The following REDIC1 variants were observed in gnomAD, a reference collection of about 807,000 sequenced individuals.
The protein encoded by REDIC1 is regulator of DNA class I crossover intermediates 1.
At chr12:39,672,366 G>A in the REDIC1 span, among the ~76,000 whole-genome samples, 17 of 152,082 alleles carry the variant, frequency 1.1e-4, no homozygotes, top group Non-Finnish European at 1.3e-4. Context: ...CAGTGGGTGG[G>A]GAAAGCCTGT....
chr12:39,790,123 TG>T, the REDIC1 span, among the ~76,000 whole-genome samples: 45 of 30,540 alleles, frequency 1.5e-3, no homozygotes, highest in African/African-American at 3.0e-3. Context: ...CATTCTTTTG[TG>T]TTCTTTTTTT....
At chr12:39,749,166 C>A in the REDIC1 span, among the ~76,000 whole-genome samples, 4 of 152,000 alleles carry the variant, frequency 2.6e-5, no homozygotes, top group Non-Finnish European at 5.9e-5. Flanking sequence ...AATTGATAGA[C>A]CACTAGCAAG....
chr12:39,738,486 T>A, the REDIC1 span, among the ~76,000 whole-genome samples: 1 of 152,178 alleles, frequency 6.6e-6, no homozygotes, highest in Non-Finnish European at 1.5e-5. Flanking sequence ...CCTAAGTAAG[T>A]GGAGTATATT....
the REDIC1 span, chr12:39,871,930 C>G: frequency 6.2e-7 from 1 of 1,608,270 alleles, no homozygotes; most frequent in Non-Finnish European, 8.5e-7. Flanking sequence ...TCTTCAACAC[C>G]AGACATCTGC....
the REDIC1 span, among the ~76,000 whole-genome samples, chr12:39,714,158 C>T: frequency 0.036 from 334 of 9,292 alleles, 1 homozygote; most frequent in Non-Finnish European, 0.078. Flanking sequence ...TATATACATG[C>T]ATATATGCGT....
At chr12:39,691,975 G>T in the REDIC1 span, 1 of 1,292,062 alleles carries the variant, frequency 7.7e-7, no homozygotes, top group Non-Finnish European at 1.0e-6. Flanking sequence ...TGAATTGGTA[G>T]TGTAAATAAG....
chr12:39,651,438 C>T, the REDIC1 span, among the ~76,000 whole-genome samples: 1 of 149,224 alleles, frequency 6.7e-6, no homozygotes, highest in East Asian at 1.9e-4. Context: ...TGATGAGAAA[C>T]CTTGACTCTG....
chr12:39,771,141 A>G, the REDIC1 span, among the ~76,000 whole-genome samples: 1 of 152,112 alleles, frequency 6.6e-6, no homozygotes, highest in Non-Finnish European at 1.5e-5. Context: ...TTAGACTCCG[A>G]GTGTGTGTCC....
chr12:39,786,653 C>T, the REDIC1 span, among the ~76,000 whole-genome samples: 1 of 152,164 alleles, frequency 6.6e-6, no homozygotes, highest in Non-Finnish European at 1.5e-5. Context: ...CCTGACCACA[C>T]CACAGAAAAT....
chr12:39,838,221 C>T, the REDIC1 span, among the ~76,000 whole-genome samples: 15 of 151,118 alleles, frequency 9.9e-5, no homozygotes, highest in Non-Finnish European at 2.2e-4. Flanking sequence ...AATCATCATT[C>T]TCAGTAAACT....
At chr12:39,858,255 T>C in the REDIC1 span, among the ~76,000 whole-genome samples, 1 of 152,238 alleles carries the variant, frequency 6.6e-6, no homozygotes, top group Non-Finnish European at 1.5e-5. Flanking sequence ...GTGGACTTTT[T>C]GTTCCAACTT....
chr12:39,733,564 T>C, the REDIC1 span, among the ~76,000 whole-genome samples: 2 of 152,190 alleles, frequency 1.3e-5, no homozygotes, highest in Non-Finnish European at 2.9e-5. Context: ...ATGTGCACAA[T>C]GTGCAGGCTG....
At chr12:39,733,753 C>T in the REDIC1 span, among the ~76,000 whole-genome samples, 1 of 152,184 alleles carries the variant, frequency 6.6e-6, no homozygotes, top group African/African-American at 2.4e-5. Flanking sequence ...GCCTCTGCCA[C>T]CACCAAGCTG....
At chr12:39,712,982 CAT>C in the REDIC1 span, among the ~76,000 whole-genome samples, 1 of 4,836 alleles carries the variant, frequency 2.1e-4, no homozygotes, top group Non-Finnish European at 4.6e-4. Context: ...TGTATATATA[CAT>C]GTGTATATAC....
chr12:39,646,817 A>G, the REDIC1 span: 1 of 1,499,924 alleles, frequency 6.7e-7, no homozygotes, highest in East Asian at 2.3e-5. Flanking sequence ...TATATTTTTA[A>G]CCTAAATTTT....
chr12:39,836,050 C>G, the REDIC1 span, among the ~76,000 whole-genome samples: 1 of 152,086 alleles, frequency 6.6e-6, no homozygotes, highest in Non-Finnish European at 1.5e-5. Flanking sequence ...GGGCCAGTTT[C>G]GTTGAGGCCC....
the REDIC1 span, among the ~76,000 whole-genome samples, chr12:39,789,279 G>T: frequency 6.6e-6 from 1 of 151,568 alleles, no homozygotes; most frequent in Non-Finnish European, 1.5e-5. Context: ...ACTTGGTTGT[G>T]CCTGTTTTTG....
At chr12:39,669,489 A>G in the REDIC1 span, among the ~76,000 whole-genome samples, 1 of 152,032 alleles carries the variant, frequency 6.6e-6, no homozygotes, top group African/African-American at 2.4e-5. Context: ...CAGTTAGGCT[A>G]CTCGGGCGTC....
At chr12:39,822,851 G>A in the REDIC1 span, among the ~76,000 whole-genome samples, 1 of 152,210 alleles carries the variant, frequency 6.6e-6, no homozygotes, top group African/African-American at 2.4e-5. Context: ...GGATAAAACT[G>A]TTAACAAGTG....
Sources: allele counts gnomAD v4.1 joint callset (sites outside exome capture counted in the v4.1 genomes callset), GRCh38; gene constraint gnomAD v4.1.1; transcripts MANE v1.5; gene names NCBI Gene and HGNC (gene_info 2026-07-23, HGNC 2026-07-21).